Variants in GNA12 observed in about 807,000 individuals in gnomAD.
GNA12 encodes the protein guanine nucleotide-binding protein subunit alpha-12.
A neutral mutation model predicts 26.0 loss-of-function variants in GNA12; 9 were observed. That is an observed-to-expected ratio of 0.35 (90% confidence interval 0.21 to 0.60). The LOEUF is 0.60. Among genes scored for constraint, GNA12 ranks in the 20% least tolerant of loss-of-function variants. The pLI, the probability that GNA12 is intolerant of heterozygous loss-of-function variation, is 0.78. For synonymous variants in GNA12, 264 were observed against 219.6 expected, an observed-to-expected ratio of 1.20 and a Z score of -1.79; for missense variants, 405 against 525.8, an observed-to-expected ratio of 0.77 and a Z score of 2.25.
chr7:2,762,776 G>T (rs1021782863), intron 2 of GNA12: 22 of 1,546,174 alleles, frequency 1.4e-5, no homozygotes, highest in Non-Finnish European at 1.8e-5. Flanking sequence ...TTCCACCCAG[G>T]CTGTACAAAA....
At chr7:2,784,921 A>C (rs752396808) in intron 2 of GNA12, among the ~76,000 whole-genome samples, 3 of 152,234 alleles carry the variant, frequency 2.0e-5, no homozygotes, top group Non-Finnish European at 2.9e-5. Flanking sequence ...GCTGTCACAT[A>C]AAGTATTTCA....
chr7:2,832,890 C>T (rs1419804028), intron 1 of GNA12, among the ~76,000 whole-genome samples: 1 of 152,168 alleles, frequency 6.6e-6, no homozygotes. Context: ...CCTCTGGATG[C>T]CGCACTTCCA....
At chr7:2,821,329 C>G (rs1238172057) in intron 1 of GNA12, among the ~76,000 whole-genome samples, 1 of 152,158 alleles carries the variant, frequency 6.6e-6, no homozygotes, top group African/African-American at 2.4e-5. Flanking sequence ...GCTGCTGACT[C>G]GGGCAAAAAG....
At chr7:2,802,351 C>G (rs1369020387) in intron 1 of GNA12, among the ~76,000 whole-genome samples, 4 of 125,738 alleles carry the variant, frequency 3.2e-5, no homozygotes, top group Admixed American at 1.1e-4. Context: ...AACTTCTAGT[C>G]AAAGTATAGA....
chr7:2,762,048 C>T (rs1490472047), intron 2 of GNA12: 4 of 152,540 alleles, frequency 2.6e-5, no homozygotes, highest in Admixed American at 1.3e-4. Context: ...GCTCCATCCG[C>T]ATTCCTTACC....
intron 2 of GNA12, among the ~76,000 whole-genome samples, chr7:2,765,755 T>C (rs1791781428): frequency 6.6e-6 from 1 of 152,026 alleles, no homozygotes; most frequent in Non-Finnish European, 1.5e-5. Context: ...CTTAGCCTCC[T>C]GAGTAGCTGG....
intron 2 of GNA12, among the ~76,000 whole-genome samples, chr7:2,746,696 C>T (rs1015029535): frequency 2.6e-5 from 4 of 151,878 alleles, no homozygotes; most frequent in Admixed American, 1.3e-4. Context: ...AATAGAGACA[C>T]AAAAAACCCT....
chr7:2,814,863 C>T, intron 1 of GNA12: 1 of 1,601,064 alleles, frequency 6.2e-7, no homozygotes, highest in Non-Finnish European at 8.5e-7. Flanking sequence ...CTCCCCTCCA[C>T]AGCACTCACT....
intron 2 of GNA12, among the ~76,000 whole-genome samples, chr7:2,753,049 G>C (rs960954439): frequency 6.6e-6 from 1 of 151,988 alleles, no homozygotes; most frequent in African/African-American, 2.4e-5. Context: ...TGGTAACCAC[G>C]AATCTGATTT....
chr7:2,736,230 C>T (rs568743654), intron 2 of GNA12, among the ~76,000 whole-genome samples: 1 of 152,274 alleles, frequency 6.6e-6, no homozygotes, highest in African/African-American at 2.4e-5. Flanking sequence ...GGCACTGTGC[C>T]TGCCAAGACG....
intron 1 of GNA12, among the ~76,000 whole-genome samples, chr7:2,800,211 A>C (rs150523825): frequency 5.3e-5 from 8 of 152,350 alleles, no homozygotes; most frequent in African/African-American, 1.4e-4. Context: ...ATGTTATGTT[A>C]AACGAAAAGT....
At chr7:2,805,885 G>T (rs895392593) in intron 1 of GNA12, among the ~76,000 whole-genome samples, 2 of 152,140 alleles carry the variant, frequency 1.3e-5, no homozygotes, top group Non-Finnish European at 2.9e-5. Flanking sequence ...TCCCAGCCAC[G>T]AGGGCCACCG....
intron 3 of GNA12, among the ~76,000 whole-genome samples, chr7:2,732,356 G>A (rs1310585931): frequency 2.0e-5 from 3 of 152,138 alleles, no homozygotes; most frequent in African/African-American, 7.2e-5. Context: ...AGAACAGCCT[G>A]GGCAACATAG....
intron 2 of GNA12, among the ~76,000 whole-genome samples, chr7:2,784,377 C>G (rs1792308373): frequency 6.6e-6 from 1 of 152,234 alleles, no homozygotes; most frequent in Non-Finnish European, 1.5e-5. Flanking sequence ...CCTCACCTAC[C>G]AAAGGGCTGG....
At chr7:2,766,350 C>T (rs1791802302) in intron 2 of GNA12, among the ~76,000 whole-genome samples, 1 of 150,082 alleles carries the variant, frequency 6.7e-6, no homozygotes, top group Non-Finnish European at 1.5e-5. Context: ...TGCTGTTTAC[C>T]TGTTCATCCA....
At chr7:2,807,978 C>T (rs781025254) in intron 1 of GNA12, among the ~76,000 whole-genome samples, 30 of 152,198 alleles carry the variant, frequency 2.0e-4, no homozygotes, top group Non-Finnish European at 2.2e-4. Context: ...GTGAAAGTAC[C>T]ACAAGCTCCG....
At chr7:2,754,230 T>C (rs1791181531) in intron 2 of GNA12, among the ~76,000 whole-genome samples, 1 of 152,222 alleles carries the variant, frequency 6.6e-6, no homozygotes, top group African/African-American at 2.4e-5. Flanking sequence ...AGTGACTCAA[T>C]GGCTGGAGAG....
At chr7:2,836,636 A>G (rs1029833635) in intron 1 of GNA12, among the ~76,000 whole-genome samples, 1 of 152,144 alleles carries the variant, frequency 6.6e-6, no homozygotes, top group Non-Finnish European at 1.5e-5. Context: ...CCAAATAACA[A>G]GAGAAGGCCA....
At chr7:2,821,420 C>T (rs1020142026) in intron 1 of GNA12, among the ~76,000 whole-genome samples, 1 of 152,116 alleles carries the variant, frequency 6.6e-6, no homozygotes, top group Non-Finnish European at 1.5e-5. Context: ...TCCAGCTGAC[C>T]GCAGAGAAAT....
Sources: allele counts gnomAD v4.1 joint callset (sites outside exome capture counted in the v4.1 genomes callset), GRCh38; gene constraint gnomAD v4.1.1; transcripts MANE v1.5; gene names NCBI Gene and HGNC (gene_info 2026-07-23, HGNC 2026-07-21).